Variants in DIAPH2 observed in about 807,000 individuals in gnomAD.
DIAPH2 encodes protein diaphanous homolog 2.
In DIAPH2, 35 loss-of-function variants were observed where a neutral mutation model predicts 92.7. The observed-to-expected ratio is 0.38, with a 90% confidence interval of 0.29 to 0.50. DIAPH2 has a LOEUF of 0.50. Among genes scored for constraint, DIAPH2 ranks in the 20% least tolerant of loss-of-function variants. DIAPH2 has a pLI of 0.94. For missense variants in DIAPH2, 701 were observed against 819.5 expected (o/e 0.86, Z 1.77); for synonymous variants, 301 against 280.4 (o/e 1.07, Z -0.73).
intron 26 of DIAPH2, among the ~76,000 whole-genome samples, chrX:97,549,089 C>T (rs1264019933): frequency 1.8e-5 from 2 of 112,123 alleles, no homozygotes. Context: ...TAATTTATAA[C>T]ATTTTGTGAC....
chrX:97,167,638 T>G (rs1353791627), intron 22 of DIAPH2, among the ~76,000 whole-genome samples: 6 of 111,969 alleles, frequency 5.4e-5, no homozygotes, highest in African/African-American at 1.9e-4. Context: ...GGTCATTATG[T>G]CTCTTCAATT....
intron 4 of DIAPH2, among the ~76,000 whole-genome samples, chrX:96,780,781 C>T (rs770214340): frequency 2.9e-5 from 3 of 105,028 alleles, no homozygotes; most frequent in South Asian, 8.6e-4. Context: ...CATGCCCTGT[C>T]GAGTCAGGAT....
intron 25 of DIAPH2, among the ~76,000 whole-genome samples, chrX:97,413,623 C>T (rs949541785): frequency 7.2e-5 from 8 of 111,800 alleles, no homozygotes; most frequent in Admixed American, 5.7e-4. Flanking sequence ...TCCCTGTTTG[C>T]AGATGACATG....
chrX:97,150,980 A>T (rs2067281185), intron 22 of DIAPH2, among the ~76,000 whole-genome samples: 1 of 112,393 alleles, frequency 8.9e-6, no homozygotes, highest in Admixed American at 9.4e-5. Context: ...ATTTGCAGAT[A>T]TTTAATTTCA....
At chrX:97,247,633 C>G (rs2068153218) in intron 22 of DIAPH2, 82 bp from the exon 23 acceptor site, 1 of 944,887 alleles carries the variant, frequency 1.1e-6, no homozygotes, top group Non-Finnish European at 1.4e-6. Flanking sequence ...AAAAAAAAGA[C>G]TTTAACTGAT....
intron 22 of DIAPH2, among the ~76,000 whole-genome samples, chrX:97,229,217 A>G (rs1195678567): frequency 8.9e-6 from 1 of 112,367 alleles, no homozygotes; most frequent in Non-Finnish European, 1.9e-5. Context: ...ATTAGTTTCT[A>G]ATTGCATTCT....
intron 23 of DIAPH2, among the ~76,000 whole-genome samples, chrX:97,302,233 A>AAAAAG (rs1556021678): frequency 2.2e-5 from 2 of 88,904 alleles, no homozygotes; most frequent in Non-Finnish European, 4.5e-5. Context: ...AAAAAAAAAA[A>AAAAAG]GTATTGGACA....
At chrX:96,718,336 G>GTTTTTTTTTTTTTTT (rs962776012) in intron 1 of DIAPH2, among the ~76,000 whole-genome samples, 2 of 10,987 alleles carry the variant, frequency 1.8e-4, no homozygotes, top group Non-Finnish European at 2.8e-4. Context: ...CATTTTCTTT[G>GTTTTTTTTTTTTTTT]TTTTTTTTTT....
At chrX:97,217,688 C>G (rs1403679103) in intron 22 of DIAPH2, among the ~76,000 whole-genome samples, 1 of 112,418 alleles carries the variant, frequency 8.9e-6, no homozygotes, top group African/African-American at 3.2e-5. Context: ...TGGCTCACGC[C>G]TGTAATCCCA....
intron 7 of DIAPH2, among the ~76,000 whole-genome samples, chrX:96,914,939 C>G (rs1482195957): frequency 2.7e-5 from 3 of 110,986 alleles, no homozygotes; most frequent in African/African-American, 6.5e-5. Flanking sequence ...TTGTCCAGAT[C>G]AAGGAATTAA....
chrX:97,328,713 C>G (rs2068972316), intron 23 of DIAPH2, among the ~76,000 whole-genome samples: 1 of 111,138 alleles, frequency 9.0e-6, no homozygotes. Context: ...AATTTATAAA[C>G]TGGATGATGT....
At chrX:97,368,295 A>G (rs182584903) in intron 24 of DIAPH2, among the ~76,000 whole-genome samples, 29 of 111,961 alleles carry the variant, frequency 2.6e-4, no homozygotes, top group Admixed American at 5.7e-4. Context: ...GGATATAGTT[A>G]TATCCCTTAA....
chrX:96,872,652 C>T (rs147530646), intron 4 of DIAPH2, among the ~76,000 whole-genome samples: 11,359 of 108,406 alleles, frequency 0.1, 560 homozygotes, highest in East Asian at 0.32. Flanking sequence ...CCACCACGCC[C>T]GGCTAATTTT....
chrX:97,001,665 A>G (rs757707726), intron 17 of DIAPH2, among the ~76,000 whole-genome samples: 3 of 111,289 alleles, frequency 2.7e-5, no homozygotes, highest in African/African-American at 3.3e-5. Context: ...ACAAAACAAA[A>G]CAAAACAATA....
At chrX:97,193,216 G>A (rs2067671196) in intron 22 of DIAPH2, among the ~76,000 whole-genome samples, 2 of 109,194 alleles carry the variant, frequency 1.8e-5, no homozygotes, top group African/African-American at 6.7e-5. Context: ...GTTTCACCAT[G>A]TTGGCCAGGC....
chrX:97,508,656 C>T (rs759918482), intron 26 of DIAPH2, among the ~76,000 whole-genome samples: 1 of 112,131 alleles, frequency 8.9e-6, no homozygotes, highest in East Asian at 2.8e-4. Flanking sequence ...GGAGTCATTA[C>T]TTACATTATG....
At chrX:96,705,157 C>T (rs906860170) in intron 1 of DIAPH2, among the ~76,000 whole-genome samples, 5 of 109,112 alleles carry the variant, frequency 4.6e-5, no homozygotes, top group African/African-American at 1.3e-4. Context: ...TATTTTTAGT[C>T]GAGACAGGGT....
intron 15 of DIAPH2, among the ~76,000 whole-genome samples, chrX:96,956,439 G>C (rs1036317194): frequency 1.8e-5 from 2 of 112,280 alleles, no homozygotes; most frequent in Admixed American, 1.9e-4. Flanking sequence ...ATTAGCATTT[G>C]GCTCCTCATC....
intron 22 of DIAPH2, among the ~76,000 whole-genome samples, chrX:97,189,273 G>A (rs780944651): frequency 3.0e-4 from 33 of 111,526 alleles, no homozygotes; most frequent in African/African-American, 9.8e-4. Context: ...TGAACCCAGG[G>A]TAATCAATAA....
Sources: gnomAD v4.1 joint callset for allele counts (sites outside exome capture counted in the v4.1 genomes callset) on GRCh38, gnomAD v4.1.1 for gene constraint, MANE v1.5 for transcripts, NCBI Gene and HGNC (gene_info 2026-07-23, HGNC 2026-07-21) for gene names.